MACROD2: variants seen among roughly 807,000 people sequenced by gnomAD.
MACROD2 encodes ADP-ribose glycohydrolase MACROD2.
A neutral mutation model predicts 70.4 loss-of-function variants in MACROD2; 36 were observed. The ratio of observed to expected loss-of-function variants is 0.51; its 90% CI spans 0.39 to 0.68. The LOEUF (loss-of-function observed/expected upper bound fraction) is 0.68, where lower values mean the gene tolerates loss of function less well. MACROD2 is among the 30% of genes least tolerant of loss of function. MACROD2 has a pLI of 0.00. For missense variants in MACROD2, 496 were observed against 538.4 expected, an observed-to-expected ratio of 0.92 and a Z score of 0.78; for synonymous variants, 172 against 178.8, an observed-to-expected ratio of 0.96 and a Z score of 0.30.
intron 5 of MACROD2, among the ~76,000 whole-genome samples, chr20:14,765,814 C>G (rs375101203): frequency 8.5e-5 from 13 of 152,188 alleles, no homozygotes; most frequent in African/African-American, 2.9e-4. Flanking sequence ...GTCACTATTG[C>G]GTGGAGGCTC....
chr20:14,211,388 C>T (rs1221538796), intron 3 of MACROD2, among the ~76,000 whole-genome samples: 1 of 151,894 alleles, frequency 6.6e-6, no homozygotes, highest in Non-Finnish European at 1.5e-5. Flanking sequence ...GGAATAATGA[C>T]AATTTATTTG....
chr20:14,376,864 T>G (rs940234772), intron 3 of MACROD2, among the ~76,000 whole-genome samples: 30 of 151,886 alleles, frequency 2.0e-4, no homozygotes, highest in African/African-American at 6.8e-4. Flanking sequence ...AATAGCCATG[T>G]GATATTGGGA....
chr20:15,815,086 G>A (rs1440336815), intron 8 of MACROD2, among the ~76,000 whole-genome samples: 2 of 152,172 alleles, frequency 1.3e-5, no homozygotes, highest in African/African-American at 2.4e-5. Flanking sequence ...AGGCCAACTT[G>A]CAAAATCAGT....
At chr20:14,063,566 G>C (rs1301430605) in intron 2 of MACROD2, among the ~76,000 whole-genome samples, 1 of 152,144 alleles carries the variant, frequency 6.6e-6, no homozygotes, top group Non-Finnish European at 1.5e-5. Context: ...CTACACGTAA[G>C]TACTTAACAT....
chr20:14,825,116 G>T (rs1370413723), intron 5 of MACROD2, among the ~76,000 whole-genome samples: 1 of 152,034 alleles, frequency 6.6e-6, no homozygotes, highest in East Asian at 1.9e-4. Flanking sequence ...AGGCACGTCT[G>T]CCCTGTGTGC....
chr20:15,036,050 A>T (rs951998855), intron 5 of MACROD2, among the ~76,000 whole-genome samples: 30 of 152,190 alleles, frequency 2.0e-4, no homozygotes, highest in African/African-American at 6.8e-4. Context: ...GAAATAAAGC[A>T]CAAATAAATA....
rs2076878366 is a variant in MACROD2, at chr20:15,223,398, A to G, written c.419-6542A>G. 5.3e-5 allele frequency among the ~76,000 whole-genome samples: 8 copies of G among 152,312 alleles called. No individual in the cohort carries two copies. In the South Asian group the frequency reaches 1.7e-3, roughly 32 times the overall value. ...ACCACTCATAGGAAGTTATGATGCT[A>G]ATTCTGTGACAGCCATGTCTGCCCT... is the stretch of plus-strand genomic sequence containing the variant. On this transcript the variant is annotated intron_variant, in intron 5 of 17. Coordinates refer to ENST00000684519, the MANE Select transcript of MACROD2 (RefSeq NM_001351661.2).
intron 5 of MACROD2, among the ~76,000 whole-genome samples, chr20:14,942,745 G>A (rs545506116): frequency 2.9e-4 from 40 of 140,052 alleles, no homozygotes; most frequent in Admixed American, 5.6e-4. Flanking sequence ...TGAATGTCAC[G>A]TCTTAGATTT....
chr20:15,985,186 C>T (rs955394031), intron 13 of MACROD2, among the ~76,000 whole-genome samples: 3 of 152,114 alleles, frequency 2.0e-5, no homozygotes, highest in African/African-American at 7.2e-5. Flanking sequence ...GGTGGGCTTA[C>T]TTACACCGGA....
chr20:15,013,593 C>T (rs548190587), intron 5 of MACROD2, among the ~76,000 whole-genome samples: 1 of 152,178 alleles, frequency 6.6e-6, no homozygotes, highest in African/African-American at 2.4e-5. Context: ...AGAGGCTTGA[C>T]TTTTTTGCTG....
intron 3 of MACROD2, among the ~76,000 whole-genome samples, chr20:14,434,249 C>T (rs2084029903): frequency 6.6e-6 from 1 of 152,116 alleles, no homozygotes; most frequent in South Asian, 2.1e-4. Context: ...TACAGCGTAC[C>T]TTGTGGAATA....
intron 5 of MACROD2, among the ~76,000 whole-genome samples, chr20:14,721,739 G>T (rs2071472377): frequency 6.6e-6 from 1 of 152,136 alleles, no homozygotes; most frequent in Non-Finnish European, 1.5e-5. Flanking sequence ...TGACATTCAA[G>T]ACTCTCCTAA....
At chr20:14,200,620 GT>G (rs2081471691) in intron 3 of MACROD2, among the ~76,000 whole-genome samples, 1 of 152,092 alleles carries the variant, frequency 6.6e-6, no homozygotes. Context: ...CTGAATCAAA[GT>G]TTTAAAAAAA....
chr20:16,010,162 AGAAG>A (rs1267088058), intron 15 of MACROD2, among the ~76,000 whole-genome samples: 1 of 152,210 alleles, frequency 6.6e-6, no homozygotes, highest in East Asian at 1.9e-4. Context: ...TCAGAAAAAA[AGAAG>A]AGAGAGGAGA....
At chr20:15,372,943 T>C (rs1162903241) in intron 6 of MACROD2, among the ~76,000 whole-genome samples, 2 of 152,020 alleles carry the variant, frequency 1.3e-5, no homozygotes. Flanking sequence ...TCCCAATTGC[T>C]TGGGAGGTTG....
intron 5 of MACROD2, among the ~76,000 whole-genome samples, chr20:15,212,670 A>G (rs1157218608): frequency 2.7e-4 from 41 of 152,210 alleles, no homozygotes; most frequent in Admixed American, 2.7e-3. Flanking sequence ...GGACAAAAAC[A>G]AGGTCAGAGT....
intron 9 of MACROD2, among the ~76,000 whole-genome samples, chr20:15,868,554 T>G (rs1237506817): frequency 6.6e-6 from 1 of 152,040 alleles, no homozygotes; most frequent in African/African-American, 2.4e-5. Flanking sequence ...CTAATTATTT[T>G]CTTTATATAC....
chr20:14,810,714 T>C (rs1054677293), intron 5 of MACROD2, among the ~76,000 whole-genome samples: 1 of 152,114 alleles, frequency 6.6e-6, no homozygotes, highest in Admixed American at 6.6e-5. Flanking sequence ...AAAAACTCCT[T>C]AAGCTGATAA....
chr20:15,144,562 T>C (rs1261553147), intron 5 of MACROD2, among the ~76,000 whole-genome samples: 4 of 152,180 alleles, frequency 2.6e-5, no homozygotes, highest in African/African-American at 9.6e-5. Context: ...AAGATAATAC[T>C]TTCCCCATCA....
Sources: allele counts gnomAD v4.1 joint callset (sites outside exome capture counted in the v4.1 genomes callset), GRCh38; gene constraint gnomAD v4.1.1; transcripts MANE v1.5; gene names NCBI Gene and HGNC (gene_info 2026-07-23, HGNC 2026-07-21).